The following TMED10 variants were observed in gnomAD, a reference collection of about 807,000 sequenced individuals.
The protein encoded by TMED10 is transmembrane p24 trafficking protein 10, also known as transmembrane emp24 domain-containing protein 10.
A neutral mutation model predicts 23.1 loss-of-function variants in TMED10; 7 were observed. The ratio of observed to expected loss-of-function variants is 0.30; its 90% CI spans 0.17 to 0.57. The LOEUF (loss-of-function observed/expected upper bound fraction) is 0.57, where lower values mean the gene tolerates loss of function less well. Ranked by LOEUF, TMED10 falls within the 20% of genes least tolerant of loss-of-function variation. TMED10 has a pLI of 0.91. For synonymous variants in TMED10, 113 were observed against 106.9 expected (o/e 1.06, Z -0.35); for missense variants, 162 against 274.8 (o/e 0.59, Z 2.90).
At chr14:75,154,324 C>T (rs1594870003) in intron 1 of TMED10, among the ~76,000 whole-genome samples, 2 of 138,354 alleles carry the variant, frequency 1.4e-5, no homozygotes, top group Non-Finnish European at 3.0e-5. Flanking sequence ...ATCGCTTGAA[C>T]CCGGGAGGCA....
chr14:75,154,035 T>C (rs1345854302), intron 1 of TMED10, among the ~76,000 whole-genome samples: 4 of 150,662 alleles, frequency 2.7e-5, no homozygotes, highest in Admixed American at 2.6e-4. Context: ...CTTCCCAAAG[T>C]GCTGGGGTTA....
intron 3 of TMED10, among the ~76,000 whole-genome samples, chr14:75,137,234 TC>T (rs1895760998): frequency 1.3e-5 from 2 of 150,222 alleles, no homozygotes; most frequent in Non-Finnish European, 3.0e-5. Context: ...ATGGTCTCGA[TC>T]TCTTGACCTC....
intron 1 of TMED10, among the ~76,000 whole-genome samples, chr14:75,167,435 C>T (rs540766427): frequency 3.3e-5 from 5 of 151,678 alleles, no homozygotes; most frequent in African/African-American, 1.2e-4. Context: ...CTCGCCCCCA[C>T]CCCCACCACT....
At chr14:75,167,404 G>A (rs1334762855) in intron 1 of TMED10, among the ~76,000 whole-genome samples, 1 of 148,430 alleles carries the variant, frequency 6.7e-6, no homozygotes, top group African/African-American at 2.5e-5. Context: ...TCGCCCCTCT[G>A]CCTCTCTCTC....
chr14:75,138,355 T>C (rs1275873629), intron 3 of TMED10, among the ~76,000 whole-genome samples: 1 of 152,252 alleles, frequency 6.6e-6, no homozygotes, highest in African/African-American at 2.4e-5. Context: ...TTCTTGCGTT[T>C]GTAAAATGTT....
intron 1 of TMED10, among the ~76,000 whole-genome samples, chr14:75,154,693 T>C (rs536921144): frequency 6.6e-6 from 1 of 152,234 alleles, no homozygotes; most frequent in East Asian, 1.9e-4. Context: ...AGACAGAGTC[T>C]CGCTCTGTCA....
intron 1 of TMED10, among the ~76,000 whole-genome samples, chr14:75,158,547 C>T (rs1391204516): frequency 6.6e-6 from 1 of 151,914 alleles, no homozygotes; most frequent in Non-Finnish European, 1.5e-5. Flanking sequence ...AGGCTGGTCT[C>T]GAACTCTTGA....
Position 75,131,563 on chromosome 14 carries a change from CCAAA to C in TMED10, c.*3318_*3321del, listed in dbSNP as rs1247116338. ...TGTATAAATCCCATATGCCTCTTTC[CCAAA>C]CAAACCAAGAAATGGCTTTATGACA... is the stretch of plus-strand genomic sequence containing the variant. On this transcript the variant is annotated 3_prime_UTR_variant, in exon 5 of 5. Transcript: ENST00000303575. The C allele has an allele frequency of 6.6e-6, 1 of 152,494 alleles. No individual in the cohort carries two copies. Among genetic ancestry groups the C allele is most frequent in the Non-Finnish European group, 1.5e-5 (1 of 68,028 alleles). 9.4% of individuals were successfully genotyped at this position (152,494 alleles called of 1,614,324 possible).
At chr14:75,144,983 G>T (rs1454570860) in intron 3 of TMED10, among the ~76,000 whole-genome samples, 1 of 152,188 alleles carries the variant, frequency 6.6e-6, no homozygotes, top group South Asian at 2.1e-4. Flanking sequence ...TCTAAGCAAG[G>T]TTCAAGGCAG....
At chr14:75,156,684 A>T (rs996045317) in intron 1 of TMED10, among the ~76,000 whole-genome samples, 3 of 152,072 alleles carry the variant, frequency 2.0e-5, no homozygotes, top group Non-Finnish European at 2.9e-5. Flanking sequence ...GGTGGCTCAC[A>T]CCTGTAATCC....
rs192754339 is a variant in TMED10, at chr14:75,155,931, C to G, written c.226-3788G>C. Among the ~76,000 whole-genome samples, 6 of 152,146 alleles carry G rather than the reference C, an allele frequency of 3.9e-5. No homozygotes were observed. The East Asian group carries it at 1.2e-3, about 29-fold the overall frequency. ...TTTTAAATTTAATCCTCACTATAAC[C>G]CTACTGGCAAGAATTATTTCCCCCG... On this transcript the variant is annotated intron_variant, in intron 1 of 4. Coordinates refer to ENST00000303575, the MANE Select transcript of TMED10 (RefSeq NM_006827.6).
At chr14:75,147,258 G>C (rs866867491) in intron 3 of TMED10, among the ~76,000 whole-genome samples, 7 of 147,248 alleles carry the variant, frequency 4.8e-5, no homozygotes, top group Non-Finnish European at 7.4e-5. Context: ...GCACGATCTC[G>C]GCTCACTGCA....
intron 3 of TMED10, chr14:75,138,983 T>G (rs1216644075): frequency 6.5e-6 from 2 of 305,664 alleles, no homozygotes; most frequent in African/African-American, 4.5e-5. Context: ...ATAAAACTTA[T>G]TTTTTAGTTG....
chr14:75,152,379 A>C (rs988933564), intron 1 of TMED10, among the ~76,000 whole-genome samples: 1 of 152,376 alleles, frequency 6.6e-6, no homozygotes, highest in African/African-American at 2.4e-5. Flanking sequence ...TGTTGCTGCT[A>C]TAGGATGTCT....
Position 75,176,476 on chromosome 14 carries a change from T to C in TMED10, c.104A>G (p.His35Arg), listed in dbSNP as rs753647635. The C allele has an allele frequency of 3.1e-6, 5 of 1,614,016 alleles. No individual in the cohort carries two copies. Among genetic ancestry groups the C allele is most frequent in the Non-Finnish European group, 3.4e-6 (4 of 1,179,990 alleles). ...GCACTTGCGAGAGTTAATGGGCAGA[T>C]GGAAGGAGATGGCAAGGACCAATCT... ...GPRLVLAISF[H>R]LPINSRKCLR... is the part of the protein sequence containing the mutation. The change falls in exon 1 of 5, where the codon CAT becomes CGT. Residue 35 changes from histidine to arginine, a missense_variant. This residue lies in a region of TMED10 where 126 missense variants were observed against 239.5 expected (regional missense o/e 0.53). Transcript: ENST00000303575.
chr14:75,146,907 C>CTAGA (rs1895888994), intron 3 of TMED10, among the ~76,000 whole-genome samples: 1 of 78,998 alleles, frequency 1.3e-5, no homozygotes. Context: ...AATCCATGCC[C>CTAGA]CAGATAGATA....
chr14:75,136,579 C>A (rs751455451), intron 3 of TMED10, among the ~76,000 whole-genome samples: 1 of 152,128 alleles, frequency 6.6e-6, no homozygotes, highest in African/African-American at 2.4e-5. Flanking sequence ...AGAAGAAAAA[C>A]CACTAAATTC....
chr14:75,153,925 A>G (rs1895987210), intron 1 of TMED10, among the ~76,000 whole-genome samples: 1 of 151,210 alleles, frequency 6.6e-6, no homozygotes, highest in South Asian at 2.1e-4. Context: ...ACCCACGACC[A>G]TGCCCAGCTA....
At position 75,176,555 on chromosome 14, in the gene TMED10, C is replaced by G. The variant is rs770201032; in HGVS notation, c.25G>C (p.Ala9Pro). The G allele has an allele frequency of 6.8e-6, 11 of 1,614,138 alleles. No individual in the cohort carries two copies. The South Asian group carries it at 9.9e-5, about 14-fold the overall frequency. Reference protein sequence around the residue: MSGLSGPPARRGPFPLALL... With the variant: MSGLSGPPPRRGPFPLALL... ...GCTAACGGAAAAGGGCCGCGCCGGG[C>G]TGGTGGGCCAGACAAACCAGACATG... Residue 9 changes from alanine (A) to proline (P), a missense_variant, in exon 1 of 5, where the codon GCC (alanine) becomes CCC (proline). Physicochemically the swap from Ala to Pro is conservative, Grantham distance 27 (BLOSUM62 -1). Coordinates refer to ENST00000303575, the MANE Select transcript of TMED10 (RefSeq NM_006827.6).
Sources: gnomAD v4.1 joint callset for allele counts (sites outside exome capture counted in the v4.1 genomes callset) on GRCh38, gnomAD v4.1.1 for gene constraint, gnomAD v4.1.1 regional missense constraint, MANE v1.5 for transcripts, NCBI Gene and HGNC (gene_info 2026-07-23, HGNC 2026-07-21) for gene names.